The following CBR4 variants were observed in gnomAD, a reference collection of about 807,000 sequenced individuals.
CBR4 encodes carbonyl reductase 4.
A neutral mutation model predicts 21.0 loss-of-function variants in CBR4; 22 were observed. That is an observed-to-expected ratio of 1.05 (90% CI 0.75 to 1.50). The LOEUF (loss-of-function observed/expected upper bound fraction) is 1.50, where lower values mean the gene tolerates loss of function less well. Ranked by LOEUF, CBR4 falls within the 40% of genes most tolerant of loss-of-function variation. The pLI is 0.00. For missense variants in CBR4, 302 were observed against 286.3 expected, an observed-to-expected ratio of 1.05 and a Z score of -0.40; for synonymous variants, 100 against 104.4, an observed-to-expected ratio of 0.96 and a Z score of 0.26.
At position 168,976,020 on chromosome 4, in the gene CBR4, C is replaced by T. The variant is rs145809487; in HGVS notation, n.169+26051G>A. ...TTGCCACAAGCTACAAGCCTTCCTG[C>T]TGAGAAAGCAAGCAGGGCTCTCAGG... On this transcript the variant is annotated intron_variant and non_coding_transcript_variant, in intron 2 of 3. Coordinates refer to the CBR4 transcript ENST00000509108. 1.7e-3 allele frequency among the ~76,000 whole-genome samples: 261 copies of T among 152,308 alleles called. 1 individual carries two copies. The highest frequency in any genetic ancestry group is 5.9e-3 in the African/African-American group (244 of 41,562).
chr4:168,990,643 A>C (rs1432816890), intron 4 of CBR4, among the ~76,000 whole-genome samples: 1 of 151,870 alleles, frequency 6.6e-6, no homozygotes, highest in Non-Finnish European at 1.5e-5. Context: ...GCTGATCTCA[A>C]ACTTCTGGAC....
rs189419215 is a variant in CBR4, at chr4:168,915,272, G to A, written n.170-20507C>T. On this transcript the variant is annotated intron_variant and non_coding_transcript_variant, in intron 2 of 3. Coordinates refer to the CBR4 transcript ENST00000509108. Reference sequence around the variant, plus strand: ...TCAACATCTTTTAAGTCTTCCCTGCGATTACTTTCAACTGTATTCCTCTTA... The same window carrying A: ...TCAACATCTTTTAAGTCTTCCCTGCAATTACTTTCAACTGTATTCCTCTTA... Among the ~76,000 whole-genome samples, 6 of 152,116 alleles carry A rather than the reference G, an allele frequency of 3.9e-5. No homozygotes were observed. In the East Asian group the frequency reaches 5.8e-4, roughly 15 times the overall value.
intron 2 of CBR4, among the ~76,000 whole-genome samples, chr4:168,947,775 T>C (rs1763432592): frequency 6.6e-6 from 1 of 152,170 alleles, no homozygotes; most frequent in Non-Finnish European, 1.5e-5. Flanking sequence ...CATCCACTCA[T>C]TGATTGATAG....
intron 3 of CBR4, 92 bp downstream of exon 3, chr4:169,006,663 A>G (rs2126872685): frequency 1.8e-6 from 2 of 1,142,138 alleles, no homozygotes; most frequent in Non-Finnish European, 2.5e-6. Flanking sequence ...AATTTCATTC[A>G]TGTTTCACAA....
intron 4 of CBR4, among the ~76,000 whole-genome samples, chr4:168,997,474 C>T (rs1464741167): frequency 6.6e-6 from 1 of 152,062 alleles, no homozygotes; most frequent in Admixed American, 6.5e-5. Flanking sequence ...GTGGCTTATG[C>T]CTGTAATCCC....
chr4:168,900,792 A>G (rs1756344829), intron 2 of CBR4, among the ~76,000 whole-genome samples: 1 of 152,242 alleles, frequency 6.6e-6, no homozygotes, highest in Non-Finnish European at 1.5e-5. Flanking sequence ...ACAACTGTGT[A>G]TTCACAACAT....
intron 2 of CBR4, among the ~76,000 whole-genome samples, chr4:168,970,882 G>A (rs184352808): frequency 1.3e-5 from 2 of 152,112 alleles, no homozygotes; most frequent in East Asian, 3.9e-4. Context: ...GTTGGTTGAT[G>A]GGCATTTAGG....
intron 2 of CBR4, among the ~76,000 whole-genome samples, chr4:168,905,642 C>T (rs188711920): frequency 6.6e-6 from 1 of 152,134 alleles, no homozygotes; most frequent in Admixed American, 6.5e-5. Flanking sequence ...TATATTAATG[C>T]ACATTCTTAA....
At chr4:168,934,282 C>CAAAAAAAAAA (rs60538970) in intron 2 of CBR4, among the ~76,000 whole-genome samples, 210 of 18,118 alleles carry the variant, frequency 0.012, 1 homozygote, top group Admixed American at 0.016. Context: ...GCAAAAAAAA[C>CAAAAAAAAAA]AAAAAAAAAA....
chr4:168,960,082 T>C (rs972228081), intron 2 of CBR4, among the ~76,000 whole-genome samples: 1 of 152,198 alleles, frequency 6.6e-6, no homozygotes, highest in African/African-American at 2.4e-5. Flanking sequence ...AATGTATTCC[T>C]AAGTGTTATG....
At chr4:168,953,226 G>A (rs1270805429) in intron 2 of CBR4, among the ~76,000 whole-genome samples, 1 of 152,086 alleles carries the variant, frequency 6.6e-6, no homozygotes, top group Non-Finnish European at 1.5e-5. Context: ...GCCTCACTCA[G>A]CTCCCACACA....
chr4:168,915,810 T>A, intron 2 of CBR4: 4 of 1,019,826 alleles, frequency 3.9e-6, no homozygotes, highest in Non-Finnish European at 6.2e-6. Flanking sequence ...TATTACCCCA[T>A]GTATTTTAAG....
At chr4:168,898,227 G>A (rs1192196400) in intron 2 of CBR4, 6 of 478,668 alleles carry the variant, frequency 1.3e-5, no homozygotes, top group East Asian at 3.8e-5. Context: ...GTTTCCCCTC[G>A]CCTCAGAGAA....
chr4:168,974,201 A>C (rs910771159), intron 2 of CBR4, among the ~76,000 whole-genome samples: 1 of 152,342 alleles, frequency 6.6e-6, no homozygotes, highest in Non-Finnish European at 1.5e-5. Flanking sequence ...CACTAGATAC[A>C]AAATTCTTGG....
chr4:168,992,026 C>T (rs1180547201), intron 4 of CBR4, among the ~76,000 whole-genome samples: 2 of 151,970 alleles, frequency 1.3e-5, no homozygotes, highest in African/African-American at 4.8e-5. Flanking sequence ...AACATTAGGC[C>T]ATTGGTTTAT....
intron 2 of CBR4, among the ~76,000 whole-genome samples, chr4:168,900,753 T>G (rs1033555755): frequency 2.6e-5 from 4 of 152,216 alleles, no homozygotes; most frequent in African/African-American, 9.6e-5. Context: ...AGAAAACTTT[T>G]TACAATATTC....
chr4:168,913,109 T>C (rs1335557360), intron 2 of CBR4, among the ~76,000 whole-genome samples: 1 of 151,184 alleles, frequency 6.6e-6, no homozygotes, highest in Non-Finnish European at 1.5e-5. Flanking sequence ...CATTTTAATG[T>C]ATGGTTTGGG....
chr4:169,007,603 T>C (rs554832863), intron 2 of CBR4, 33 bp downstream of exon 2: 4 of 1,364,714 alleles, frequency 2.9e-6, no homozygotes, highest in East Asian at 2.8e-5. Flanking sequence ...TTTAAATATA[T>C]ATATAAGAAA....
chr4:168,923,020 T>C (rs183065613), intron 2 of CBR4, among the ~76,000 whole-genome samples: 91 of 152,346 alleles, frequency 6.0e-4, no homozygotes, highest in Non-Finnish European at 1.2e-3. Flanking sequence ...TCACAGTGCT[T>C]TCCTAAGGAT....
Sources: gnomAD v4.1 joint callset for allele counts (sites outside exome capture counted in the v4.1 genomes callset) on GRCh38, gnomAD v4.1.1 for gene constraint, MANE v1.5 for transcripts, NCBI Gene and HGNC (gene_info 2026-07-23, HGNC 2026-07-21) for gene names.